Variants in PVT1 observed in about 807,000 individuals in gnomAD.
The protein encoded by PVT1 is CXCR4/PVT1 fusion.
At chr8:128,028,852 AT>A (rs1268411924) in intron 4 of PVT1, among the ~76,000 whole-genome samples, 1 of 151,882 alleles carries the variant, frequency 6.6e-6, no homozygotes, top group East Asian at 1.9e-4. Flanking sequence ...GTTATTTTTT[AT>A]TATTTTGGGG....
chr8:127,981,307 C>T (rs1269861159), intron 3 of PVT1, among the ~76,000 whole-genome samples: 1 of 152,166 alleles, frequency 6.6e-6, no homozygotes, highest in East Asian at 1.9e-4. Flanking sequence ...ACCCAAAGAG[C>T]TTGGAGAGAG....
rs1198387038 is a variant in PVT1 at position 127,897,945 on chromosome 8, GGGAA to G, written n.782+6960_782+6963del. On this transcript the variant is annotated intron_variant and non_coding_transcript_variant, in intron 3 of 10. Transcript: ENST00000651587. Reference sequence around the variant, plus strand: ...GAAGAAAGGAAAGAAAGAAAGAAAAGGGAAGGAAGGAAGGAAAGAAGGAAGGAAG... The same window carrying G: ...GAAGAAAGGAAAGAAAGAAAGAAAAGGGAAGGAAGGAAAGAAGGAAGGAAG... Among the ~76,000 whole-genome samples the G allele has an allele frequency of 3.2e-4, 42 of 130,682 alleles. 1 individual carries two copies. Among genetic ancestry groups the G allele is most frequent in the African/African-American group, 1.1e-3 (38 of 34,240 alleles). The allele number at this position is 130,682 out of a possible 152,430, so 85.7% of individuals were successfully genotyped here. A position where few individuals can be genotyped will look rare whatever the true frequency, so the allele number is the denominator to read the frequency against.
At chr8:128,049,113 A>G (rs1458155268) in intron 4 of PVT1, 1 of 521,474 alleles carries the variant, frequency 1.9e-6, no homozygotes, top group Non-Finnish European at 3.9e-6. Context: ...AATCAGAGAT[A>G]GGAGCCCTTT....
At position 127,806,226 on chromosome 8, in the gene PVT1, G is replaced by A. The variant is rs1193616180; in HGVS notation, n.372+10155G>A. On this transcript the variant is annotated intron_variant and non_coding_transcript_variant, in intron 2 of 10. Transcript: ENST00000651587. ...GCCTATAATCCCAGCACTTTGGAAG[G>A]CTGAGGCGGGCGGATCACAAGGTCA... 2.6e-5 allele frequency among the ~76,000 whole-genome samples: 4 copies of A among 152,162 alleles called. No individual in the cohort carries two copies. In the South Asian group the frequency reaches 8.3e-4, roughly 32 times the overall value.
intron 2 of PVT1, among the ~76,000 whole-genome samples, chr8:127,863,078 T>TTTTATTTATTTATTTA (rs146647918): frequency 9.1e-5 from 13 of 142,138 alleles, no homozygotes; most frequent in East Asian, 4.2e-4. Context: ...CAGTTGCTAG[T>TTTTATTTATTTATTTA]TTTATTTATT....
intron 4 of PVT1, among the ~76,000 whole-genome samples, chr8:128,008,659 G>T (rs1189751571): frequency 6.6e-6 from 1 of 152,194 alleles, no homozygotes; most frequent in African/African-American, 2.4e-5. Context: ...CTCTACGGAT[G>T]CATCTCTCAG....
At chr8:127,867,649 G>A (rs1815299616) in intron 2 of PVT1, among the ~76,000 whole-genome samples, 2 of 152,104 alleles carry the variant, frequency 1.3e-5, no homozygotes, top group African/African-American at 2.4e-5. Flanking sequence ...AATGAACTTC[G>A]AGGATAGCCC....
At chr8:127,816,869 GC>G (rs1275585960) in intron 2 of PVT1, among the ~76,000 whole-genome samples, 1 of 152,014 alleles carries the variant, frequency 6.6e-6, no homozygotes, top group Non-Finnish European at 1.5e-5. Context: ...TTCCTTTGCC[GC>G]TCTGCATCAT....
chr8:127,882,586 C>T (rs550800035), intron 2 of PVT1, among the ~76,000 whole-genome samples: 7 of 152,012 alleles, frequency 4.6e-5, no homozygotes, highest in Admixed American at 2.0e-4. Flanking sequence ...CAGGTTCAAG[C>T]GATTCTCCTG....
intron 3 of PVT1, among the ~76,000 whole-genome samples, chr8:127,938,394 C>T (rs1359096195): frequency 1.3e-5 from 2 of 152,174 alleles, no homozygotes; most frequent in Non-Finnish European, 2.9e-5. Flanking sequence ...TCATCTCAGA[C>T]AGCTGTGTCC....
chr8:128,047,977 A>G (rs1341974740), intron 4 of PVT1, among the ~76,000 whole-genome samples: 4 of 152,210 alleles, frequency 2.6e-5, no homozygotes, highest in South Asian at 4.1e-4. Context: ...AGCAAAGTCA[A>G]CCTTAACAAT....
At chr8:127,981,712 A>G (rs1010389267) in intron 3 of PVT1, among the ~76,000 whole-genome samples, 3 of 152,202 alleles carry the variant, frequency 2.0e-5, no homozygotes, top group Admixed American at 6.5e-5. Context: ...GGCTCAGGGA[A>G]AACGTCCTGG....
intron 3 of PVT1, among the ~76,000 whole-genome samples, chr8:127,944,816 G>C (rs942224297): frequency 1.3e-5 from 2 of 152,136 alleles, no homozygotes; most frequent in Non-Finnish European, 2.9e-5. Context: ...CGATGACTCC[G>C]AGGGCGCAGG....
At chr8:127,816,784 G>A (rs566191892) in intron 2 of PVT1, among the ~76,000 whole-genome samples, 7 of 152,216 alleles carry the variant, frequency 4.6e-5, no homozygotes, top group South Asian at 2.1e-4. Context: ...TCGGCCTCCC[G>A]TTTGTATTCT....
chr8:128,047,156 A>C (rs1813625066), intron 4 of PVT1, among the ~76,000 whole-genome samples: 1 of 152,200 alleles, frequency 6.6e-6, no homozygotes, highest in East Asian at 1.9e-4. Flanking sequence ...TGCCTTCTCC[A>C]CCAGGCTTTA....
intron 2 of PVT1, among the ~76,000 whole-genome samples, chr8:127,868,634 C>G (rs1235369291): frequency 1.3e-5 from 2 of 150,934 alleles, no homozygotes; most frequent in East Asian, 3.9e-4. Flanking sequence ...AGGTTATCCA[C>G]CCTCAGATTA....
intron 5 of PVT1, among the ~76,000 whole-genome samples, chr8:128,091,938 C>G (rs1440849936): frequency 1.3e-5 from 2 of 152,108 alleles, no homozygotes; most frequent in Admixed American, 1.3e-4. Context: ...TTGCTGAGAG[C>G]TGTCCTCATA....
At chr8:128,064,586 G>C (rs535934040) in intron 4 of PVT1, among the ~76,000 whole-genome samples, 1 of 152,256 alleles carries the variant, frequency 6.6e-6, no homozygotes, top group South Asian at 2.1e-4. Flanking sequence ...TTCTAGGGTG[G>C]GGCCCTGCCT....
At chr8:128,023,900 A>G (rs1457007024) in intron 4 of PVT1, among the ~76,000 whole-genome samples, 1 of 152,242 alleles carries the variant, frequency 6.6e-6, no homozygotes, top group East Asian at 1.9e-4. Flanking sequence ...TGAACAAAAA[A>G]AACAGCGGTC....
Sources: allele counts gnomAD v4.1 joint callset (sites outside exome capture counted in the v4.1 genomes callset), GRCh38; gene constraint gnomAD v4.1.1; transcripts MANE v1.5; gene names NCBI Gene and HGNC (gene_info 2026-07-23, HGNC 2026-07-21).